The following TRIO variants were observed in gnomAD, a reference collection of about 807,000 sequenced individuals.
TRIO encodes triple functional domain protein.
Under a neutral mutation model 351.9 loss-of-function variants are expected in TRIO, and 58 were observed. The observed-to-expected ratio is 0.16, with a 90% CI of 0.13 to 0.21. TRIO has a LOEUF of 0.21. TRIO is among the 10% of genes least tolerant of loss of function. The pLI is 1.00. For missense variants in TRIO, 3,201 were observed against 4,027.8 expected (o/e 0.79, Z 5.56); for synonymous variants, 1,758 against 1,595.7 (o/e 1.10, Z -2.42).
chr5:14,281,424 A>ACCCCC (rs3061076), intron 3 of TRIO, among the ~76,000 whole-genome samples: 1 of 89,334 alleles, frequency 1.1e-5, no homozygotes, highest in African/African-American at 4.7e-5. Context: ...AGCCGTTAGA[A>ACCCCC]CCCCCCCCCC....
At chr5:14,363,138 A>G (rs569197516) in intron 13 of TRIO, among the ~76,000 whole-genome samples, 1 of 151,920 alleles carries the variant, frequency 6.6e-6, no homozygotes, top group South Asian at 2.1e-4. Context: ...AGCTGGGACT[A>G]CAGGCACATG....
chr5:14,340,414 A>AT (rs148449776), intron 11 of TRIO, among the ~76,000 whole-genome samples: 69 of 150,928 alleles, frequency 4.6e-4, no homozygotes, highest in Admixed American at 6.6e-4. Flanking sequence ...AAAAAAAAAA[A>AT]GAAAAAGTAG....
intron 18 of TRIO, 94 bp downstream of exon 18, chr5:14,369,617 C>T (rs1282966019): frequency 1.4e-5 from 20 of 1,437,116 alleles, no homozygotes; most frequent in Non-Finnish European, 1.8e-5. Flanking sequence ...GGAGCCTGCC[C>T]CACACCTCTT....
chr5:14,404,436 C>G (rs949259920), intron 31 of TRIO, among the ~76,000 whole-genome samples: 3 of 152,116 alleles, frequency 2.0e-5, no homozygotes, highest in Admixed American at 1.3e-4. Context: ...GAATTACTCT[C>G]TAAGTGTAAC....
chr5:14,181,851 C>G (rs781150104), intron 1 of TRIO, among the ~76,000 whole-genome samples: 29 of 152,174 alleles, frequency 1.9e-4, no homozygotes, highest in Non-Finnish European at 3.5e-4. Flanking sequence ...TGCATCCCCA[C>G]TTGCCCTCAC....
At chr5:14,428,105 A>G in intron 34 of TRIO, among the ~76,000 whole-genome samples, 1 of 152,178 alleles carries the variant, frequency 6.6e-6, no homozygotes, top group East Asian at 1.9e-4. Flanking sequence ...ATCTGCCGCA[A>G]AGGTGAATCT....
At chr5:14,358,752 A>C (rs1182654344) in intron 12 of TRIO, among the ~76,000 whole-genome samples, 1 of 152,202 alleles carries the variant, frequency 6.6e-6, no homozygotes, top group East Asian at 1.9e-4. Context: ...TCAGGCCTGC[A>C]TGGGGCGGAC....
At chr5:14,184,147 C>T (rs959593930) in intron 1 of TRIO, among the ~76,000 whole-genome samples, 21 of 152,148 alleles carry the variant, frequency 1.4e-4, no homozygotes, top group African/African-American at 2.9e-4. Flanking sequence ...AAAATCCAAC[C>T]GGCTAGTAAC....
intron 9 of TRIO, among the ~76,000 whole-genome samples, chr5:14,328,555 A>T (rs1740622338): frequency 6.6e-6 from 1 of 152,262 alleles, no homozygotes; most frequent in African/African-American, 2.4e-5. Context: ...AGTTAAAATA[A>T]TGTACCGAAT....
intron 7 of TRIO, among the ~76,000 whole-genome samples, chr5:14,303,464 G>A (rs356023): frequency 6.9e-5 from 10 of 145,766 alleles, no homozygotes; most frequent in Middle Eastern, 7.9e-3. Context: ...GATGGCTGCC[G>A]CAGGACTGTT....
intron 19 of TRIO, among the ~76,000 whole-genome samples, chr5:14,377,254 T>G (rs755474337): frequency 4.1e-5 from 6 of 144,714 alleles, no homozygotes; most frequent in Admixed American, 6.9e-5. Context: ...TTTTTTTTTG[T>G]TTTTTTTTTT....
intron 40 of TRIO, among the ~76,000 whole-genome samples, chr5:14,475,478 G>C (rs62345058): frequency 6.6e-6 from 1 of 152,224 alleles, no homozygotes; most frequent in African/African-American, 2.4e-5. Flanking sequence ...AGGAACTACC[G>C]TGTCACGTAT....
chr5:14,329,891 G>C (rs935478390), intron 9 of TRIO, among the ~76,000 whole-genome samples: 1 of 152,156 alleles, frequency 6.6e-6, no homozygotes, highest in Non-Finnish European at 1.5e-5. Context: ...TTGGTCCTCT[G>C]TATATGTGGG....
At chr5:14,254,691 G>C (rs960053940) in intron 1 of TRIO, among the ~76,000 whole-genome samples, 2 of 152,186 alleles carry the variant, frequency 1.3e-5, no homozygotes, top group African/African-American at 4.8e-5. Context: ...GCATAAGTGG[G>C]TTATTGTATA....
intron 10 of TRIO, among the ~76,000 whole-genome samples, chr5:14,333,801 T>C (rs1741139419): frequency 6.6e-6 from 1 of 152,158 alleles, no homozygotes; most frequent in Non-Finnish European, 1.5e-5. Context: ...AGGACACCAG[T>C]TAGGCCCCCA....
At chr5:14,364,028 A>G in intron 14 of TRIO, 101 bp downstream of exon 14, 2 of 1,187,430 alleles carry the variant, frequency 1.7e-6, no homozygotes, top group Non-Finnish European at 2.3e-6. Flanking sequence ...GTTAGTTCCT[A>G]TGATAAAGGT....
intron 18 of TRIO, among the ~76,000 whole-genome samples, chr5:14,373,322 GC>G (rs1745283735): frequency 6.6e-6 from 1 of 152,158 alleles, no homozygotes; most frequent in Non-Finnish European, 1.5e-5. Flanking sequence ...AAAAAAGGTA[GC>G]CTCGCTCCAT....
intron 11 of TRIO, among the ~76,000 whole-genome samples, chr5:14,342,545 A>G (rs1417565252): frequency 6.6e-6 from 1 of 152,174 alleles, no homozygotes; most frequent in Non-Finnish European, 1.5e-5. Flanking sequence ...CTCTACATGG[A>G]AATGACTCTC....
At chr5:14,421,206 C>G (rs1300956901) in intron 34 of TRIO, among the ~76,000 whole-genome samples, 1 of 138,350 alleles carries the variant, frequency 7.2e-6, no homozygotes, top group Non-Finnish European at 1.5e-5. Flanking sequence ...TTTCTTTTTT[C>G]CCTTATTTAA....
Sources: allele counts gnomAD v4.1 joint callset (sites outside exome capture counted in the v4.1 genomes callset), GRCh38; gene constraint gnomAD v4.1.1; transcripts MANE v1.5; gene names NCBI Gene and HGNC (gene_info 2026-07-23, HGNC 2026-07-21).